Variants in RARB observed in about 807,000 individuals in gnomAD.
RARB encodes HBV-activated protein.
A neutral mutation model predicts 51.9 loss-of-function variants in RARB; 17 were observed. The ratio of observed to expected loss-of-function variants is 0.33; its 90% CI spans 0.22 to 0.49. RARB has a LOEUF of 0.49. Among genes scored for constraint, RARB ranks in the 20% least tolerant of loss-of-function variants. RARB has a pLI of 0.99. For synonymous variants in RARB, 215 were observed against 195.4 expected (o/e 1.10, Z -0.84); for missense variants, 369 against 550.8 (o/e 0.67, Z 3.30).
intron 5 of RARB, among the ~76,000 whole-genome samples, chr3:25,350,476 C>A (rs1233423306): frequency 1.3e-5 from 2 of 152,210 alleles, no homozygotes; most frequent in African/African-American, 4.8e-5. Flanking sequence ...ATAGGCATCT[C>A]TATTAACTTT....
intron 4 of RARB, among the ~76,000 whole-genome samples, chr3:25,164,028 G>A (rs1296586178): frequency 6.6e-6 from 1 of 152,142 alleles, no homozygotes; most frequent in Non-Finnish European, 1.5e-5. Flanking sequence ...TACAAGGAGT[G>A]CAGACAGAGG....
chr3:25,321,561 T>C (rs1281808732), intron 5 of RARB, among the ~76,000 whole-genome samples: 1 of 151,626 alleles, frequency 6.6e-6, no homozygotes, highest in African/African-American at 2.4e-5. Context: ...CTACTAAAAA[T>C]TAAAAATTAG....
upstream of RARB, among the ~76,000 whole-genome samples, chr3:25,425,522 T>C (rs1448667175): frequency 6.6e-6 from 1 of 152,206 alleles, no homozygotes; most frequent in Non-Finnish European, 1.5e-5. Flanking sequence ...TATTGTCATA[T>C]TATAAGAAAC....
intron 2 of RARB, among the ~76,000 whole-genome samples, chr3:24,875,291 T>C (rs1378781467): frequency 6.6e-6 from 1 of 152,198 alleles, no homozygotes; most frequent in Non-Finnish European, 1.5e-5. Flanking sequence ...CAGGCTTAAA[T>C]ACTTCAGTAA....
At chr3:25,394,665 G>GT (rs1707067584) in intron 5 of RARB, among the ~76,000 whole-genome samples, 1 of 152,048 alleles carries the variant, frequency 6.6e-6, no homozygotes, top group South Asian at 2.1e-4. Context: ...CTCTCTTTGT[G>GT]TTTTTTAACT....
chr3:25,367,652 TAAA>T (rs34629828), intron 5 of RARB, among the ~76,000 whole-genome samples: 16 of 139,294 alleles, frequency 1.1e-4, no homozygotes, highest in East Asian at 2.1e-4. Context: ...CCCATCTCTA[TAAA>T]AAAAAAAAAA....
intron 2 of RARB, among the ~76,000 whole-genome samples, chr3:24,982,744 T>C (rs1696704906): frequency 6.6e-6 from 1 of 152,178 alleles, no homozygotes. Context: ...CTAATAATAG[T>C]TACACCATCC....
chr3:25,256,476 A>C (rs1702867651), intron 5 of RARB, among the ~76,000 whole-genome samples: 2 of 152,138 alleles, frequency 1.3e-5, no homozygotes, highest in African/African-American at 4.8e-5. Flanking sequence ...TAGTTAAATA[A>C]ATAAGAAGAA....
intron 1 of RARB, among the ~76,000 whole-genome samples, chr3:25,440,839 A>G (rs1419606640): frequency 6.6e-6 from 1 of 152,178 alleles, no homozygotes; most frequent in Non-Finnish European, 1.5e-5. Flanking sequence ...TAACAGATTT[A>G]TTTATAATTA....
chr3:25,551,260 G>T (rs1240972314), intron 3 of RARB, among the ~76,000 whole-genome samples: 1 of 152,134 alleles, frequency 6.6e-6, no homozygotes, highest in African/African-American at 2.4e-5. Flanking sequence ...GAACCCGGCA[G>T]CCCATTTGAG....
chr3:25,468,161 A>G (rs73147406), intron 2 of RARB, among the ~76,000 whole-genome samples: 2,845 of 152,216 alleles, frequency 0.019, 114 homozygotes, highest in African/African-American at 0.065. Context: ...GCCTTAGCCT[A>G]TCTGTAAAAT....
At chr3:25,491,987 A>G (rs760807414) in intron 2 of RARB, among the ~76,000 whole-genome samples, 1 of 152,214 alleles carries the variant, frequency 6.6e-6, no homozygotes, top group Non-Finnish European at 1.5e-5. Flanking sequence ...TAAGACAGTG[A>G]CAGCAGAGCA....
intron 2 of RARB, among the ~76,000 whole-genome samples, chr3:24,893,699 T>A (rs568683563): frequency 2.0e-5 from 3 of 146,986 alleles, no homozygotes; most frequent in South Asian, 2.2e-4. Context: ...TTTTTTTTTT[T>A]AATTTTGTAG....
intron 3 of RARB, among the ~76,000 whole-genome samples, chr3:25,555,149 T>A (rs1252304754): frequency 6.6e-6 from 1 of 152,240 alleles, no homozygotes; most frequent in Admixed American, 6.5e-5. Context: ...AATGAATGAG[T>A]AAATTGACAA....
chr3:25,506,081 A>C (rs528515644), intron 3 of RARB, among the ~76,000 whole-genome samples: 3 of 151,996 alleles, frequency 2.0e-5, no homozygotes. Context: ...AAAGGTCAGC[A>C]AACCATTTTT....
At chr3:25,124,910 C>A (rs1031097018) in intron 3 of RARB, among the ~76,000 whole-genome samples, 13 of 152,132 alleles carry the variant, frequency 8.5e-5, no homozygotes, top group Non-Finnish European at 1.8e-4. Flanking sequence ...TTTTTCAAAA[C>A]ATGTAATTCA....
At chr3:24,832,211 G>C (rs942371592) in intron 1 of RARB, among the ~76,000 whole-genome samples, 1 of 152,148 alleles carries the variant, frequency 6.6e-6, no homozygotes, top group Non-Finnish European at 1.5e-5. Flanking sequence ...GATCAATCAA[G>C]CATATGAATG....
chr3:25,493,726 A>G (rs1179132225), intron 2 of RARB, among the ~76,000 whole-genome samples: 1 of 152,188 alleles, frequency 6.6e-6, no homozygotes, highest in African/African-American at 2.4e-5. Flanking sequence ...TACTTTCCAC[A>G]CCACTTTTTG....
chr3:25,427,647 G>A (rs1708032996), upstream of RARB, among the ~76,000 whole-genome samples: 2 of 152,162 alleles, frequency 1.3e-5, no homozygotes, highest in Non-Finnish European at 2.9e-5. Flanking sequence ...AAGCTGGATT[G>A]CAGAGCAAAC....
Sources: gnomAD v4.1 joint callset for allele counts (sites outside exome capture counted in the v4.1 genomes callset) on GRCh38, gnomAD v4.1.1 for gene constraint, MANE v1.5 for transcripts, NCBI Gene and HGNC (gene_info 2026-07-23, HGNC 2026-07-21) for gene names.